OPCML: variants seen among roughly 807,000 people sequenced by gnomAD.
OPCML encodes opioid-binding protein/cell adhesion molecule.
OPCML carries 13 observed loss-of-function variants against 37.8 expected under a neutral mutation model. The observed-to-expected ratio is 0.34, with a 90% CI of 0.22 to 0.55. OPCML has a LOEUF of 0.55. Among genes scored for constraint, OPCML ranks in the 20% least tolerant of loss-of-function variants. The pLI, the probability that OPCML is intolerant of heterozygous loss-of-function variation, is 0.91. For missense variants in OPCML, 341 were observed against 435.6 expected, an observed-to-expected ratio of 0.78 and a Z score of 1.93; for synonymous variants, 176 against 168.8, an observed-to-expected ratio of 1.04 and a Z score of -0.33.
intron 1 of OPCML, among the ~76,000 whole-genome samples, chr11:133,234,100 GT>G (rs1385595250): frequency 2.0e-5 from 3 of 152,116 alleles, no homozygotes; most frequent in Non-Finnish European, 4.4e-5. Context: ...TGGGAGTATT[GT>G]TATAAAGAGA....
chr11:132,453,285 A>G (rs2096073237), intron 4 of OPCML, among the ~76,000 whole-genome samples: 1 of 152,198 alleles, frequency 6.6e-6, no homozygotes, highest in Non-Finnish European at 1.5e-5. Context: ...ATTGCACAGG[A>G]CAGTCTCCCT....
chr11:133,308,296 A>C (rs1942977141), intron 1 of OPCML, among the ~76,000 whole-genome samples: 1 of 152,162 alleles, frequency 6.6e-6, no homozygotes, highest in Admixed American at 6.5e-5. Context: ...CTGTACACCA[A>C]CATTGTACTT....
intron 4 of OPCML, among the ~76,000 whole-genome samples, chr11:132,441,165 G>GTTTTTTTTTTTTTTGTTTTT (rs2096032017): frequency 1.4e-5 from 1 of 72,402 alleles, no homozygotes; most frequent in South Asian, 5.9e-4. Flanking sequence ...GGACTTTTTT[G>GTTTTTTTTTTTTTTGTTTTT]TTTTTTTTTT....
At chr11:132,871,265 T>G (rs999758074) in intron 2 of OPCML, among the ~76,000 whole-genome samples, 2 of 151,836 alleles carry the variant, frequency 1.3e-5, no homozygotes, top group African/African-American at 4.8e-5. Flanking sequence ...TCCACATCCA[T>G]GAATTCAATC....
intron 1 of OPCML, chr11:133,422,825 A>G (rs1945920502): frequency 1.2e-5 from 11 of 906,194 alleles, no homozygotes; most frequent in Non-Finnish European, 1.3e-5. Flanking sequence ...ATCAGAAAGT[A>G]TTCTCAAACC....
chr11:132,500,961 G>A (rs1397116801), intron 4 of OPCML, among the ~76,000 whole-genome samples: 1 of 152,158 alleles, frequency 6.6e-6, no homozygotes, highest in Non-Finnish European at 1.5e-5. Flanking sequence ...CAATTGATGG[G>A]CATTTGGATT....
rs764204990 is a variant in OPCML at position 133,532,314 on chromosome 11, G to A, written c.11C>T (p.Pro4Leu). The change falls in exon 1 of 8, where the codon CCT becomes CTT. Residue 4 changes from proline to leucine, a missense_variant. Transcript: ENST00000524381. ...CGCCGAGAAGACGACCCAGTAGGCA[G>A]GATGGTACATCTCGACGCTGCGGTG... MYH[P>L]AYWVVFSATT... is the part of the protein sequence containing the mutation. 176 of 1,613,692 alleles carry A rather than the reference G, an allele frequency of 1.1e-4. No homozygotes were observed. The highest frequency in any genetic ancestry group is 1.4e-4 in the Non-Finnish European group (166 of 1,179,882).
chr11:132,929,721 A>C (rs1346928328), intron 2 of OPCML, among the ~76,000 whole-genome samples: 1 of 152,204 alleles, frequency 6.6e-6, no homozygotes. Context: ...ACTCATAACC[A>C]AGTGAGATTT....
chr11:132,943,006 C>T lies in OPCML; in HGVS notation c.66G>A (p.Val22=). ...ATTALLFIPG[V]PVRSGDATFP... ...AGGTGGCATCTCCGCTGCGCACGGG[C>T]ACTCCTGTGGGTACAAGGAACAGCA... Residue 22 remains valine (V), a synonymous_variant, in exon 2 of 8, where the codon GTG becomes GTA. Coordinates refer to ENST00000524381, the MANE Select transcript of OPCML (RefSeq NM_001012393.5). The surrounding 1 kb of genome is among the most constrained non-coding windows in gnomAD (Gnocchi z 4.3). 1.2e-6 allele frequency: 2 copies of T among 1,614,170 alleles called. No individual in the cohort carries two copies. The highest frequency in any genetic ancestry group is 1.7e-6 in the Non-Finnish European group (2 of 1,180,018).
intron 1 of OPCML, among the ~76,000 whole-genome samples, chr11:133,092,600 C>T (rs1388950535): frequency 6.6e-6 from 1 of 152,060 alleles, no homozygotes; most frequent in African/African-American, 2.4e-5. Context: ...GTGGCGCGCA[C>T]CTGTAGTCCC....
At chr11:133,380,108 C>A (rs1052836072) in intron 1 of OPCML, among the ~76,000 whole-genome samples, 2 of 152,104 alleles carry the variant, frequency 1.3e-5, no homozygotes, top group Non-Finnish European at 2.9e-5. Context: ...ATGTTGCTTA[C>A]GATCTGCTGG....
At chr11:133,197,704 A>G (rs1192056454) in intron 1 of OPCML, among the ~76,000 whole-genome samples, 1 of 152,220 alleles carries the variant, frequency 6.6e-6, no homozygotes, top group Non-Finnish European at 1.5e-5. Flanking sequence ...TGCAGCTGGT[A>G]TTGAACTAGC....
chr11:133,276,763 C>A (rs1322205639), intron 1 of OPCML, among the ~76,000 whole-genome samples: 1 of 152,128 alleles, frequency 6.6e-6, no homozygotes, highest in African/African-American at 2.4e-5. Context: ...TTCTATTAGA[C>A]CACCCGAGTT....
chr11:133,060,145 C>T (rs919076081), intron 1 of OPCML, among the ~76,000 whole-genome samples: 5 of 151,854 alleles, frequency 3.3e-5, no homozygotes, highest in Admixed American at 6.6e-5. Context: ...TAGGTCACTT[C>T]CAAATCTTAT....
At chr11:133,052,004 G>T (rs1220981781) in intron 1 of OPCML, among the ~76,000 whole-genome samples, 1 of 152,224 alleles carries the variant, frequency 6.6e-6, no homozygotes. Context: ...AGCTTCTTTA[G>T]AATTTGTGGG....
At chr11:133,507,642 G>T (rs752888853) in intron 1 of OPCML, among the ~76,000 whole-genome samples, 1 of 152,152 alleles carries the variant, frequency 6.6e-6, no homozygotes. Context: ...GCCACTGAGA[G>T]AATAAATCCT....
intron 1 of OPCML, among the ~76,000 whole-genome samples, chr11:132,955,143 A>T (rs992126214): frequency 6.6e-6 from 1 of 152,144 alleles, no homozygotes; most frequent in Admixed American, 6.5e-5. Context: ...CTGTGAAAAC[A>T]TGCTGGACGG....
At chr11:133,365,715 G>A (rs897438439) in intron 1 of OPCML, 1 of 152,236 alleles carries the variant, frequency 6.6e-6, no homozygotes, top group Non-Finnish European at 1.5e-5. Context: ...GCTGTCTAAA[G>A]TCTGCTTTCC....
At chr11:133,182,423 C>A (rs1833652892) in intron 1 of OPCML, among the ~76,000 whole-genome samples, 1 of 152,146 alleles carries the variant, frequency 6.6e-6, no homozygotes, top group East Asian at 1.9e-4. Flanking sequence ...TTATTAATAC[C>A]AAACCAAGGC....
Sources: gnomAD v4.1 joint callset for allele counts (sites outside exome capture counted in the v4.1 genomes callset) on GRCh38, gnomAD v4.1.1 for gene constraint, Gnocchi (gnomAD v3.1) non-coding constraint, MANE v1.5 for transcripts, NCBI Gene and HGNC (gene_info 2026-07-23, HGNC 2026-07-21) for gene names.